CSMD1: variants seen among roughly 807,000 people sequenced by gnomAD.
CSMD1 encodes CUB and Sushi multiple domains 1, also known as CUB and sushi domain-containing protein 1.
CSMD1 carries 213 observed loss-of-function variants against 417.5 expected under a neutral mutation model. The ratio of observed to expected loss-of-function variants is 0.51; its 90% CI spans 0.46 to 0.57. CSMD1 has a LOEUF of 0.57. Ranked by LOEUF, CSMD1 falls within the 20% of genes least tolerant of loss-of-function variation. The probability of loss-of-function intolerance (pLI) is 0.00; values close to 1 mark genes in which losing one functional copy is unlikely to be tolerated. For synonymous variants in CSMD1, 2,862 were observed against 1,736.8 expected (o/e 1.65, Z -16.11); for missense variants, 6,923 against 4,529.7 (o/e 1.53, Z -15.17).
chr8:3,792,359 A>G (rs1010351636), intron 5 of CSMD1, among the ~76,000 whole-genome samples: 3 of 152,184 alleles, frequency 2.0e-5, no homozygotes, highest in Non-Finnish European at 4.4e-5. Context: ...CCACATGTAC[A>G]TTATGATCAT....
chr8:3,253,775 G>C (rs7816128), intron 26 of CSMD1, among the ~76,000 whole-genome samples: 72,113 of 151,912 alleles, frequency 0.47, 17,226 homozygotes, highest in Non-Finnish European at 0.49. Context: ...TGTCTCTGCA[G>C]GTGAGATGGG....
intron 41 of CSMD1, among the ~76,000 whole-genome samples, chr8:3,120,388 C>T (rs574965461): frequency 1.3e-5 from 2 of 152,342 alleles, no homozygotes; most frequent in South Asian, 2.1e-4. Flanking sequence ...TGTGGGCCTA[C>T]AGCGTGGCCT....
chr8:3,105,364 A>T (rs1816062222), intron 46 of CSMD1, among the ~76,000 whole-genome samples: 1 of 152,258 alleles, frequency 6.6e-6, no homozygotes, highest in African/African-American at 2.4e-5. Context: ...AATGCTCAAA[A>T]GCACTACATC....
intron 6 of CSMD1, among the ~76,000 whole-genome samples, chr8:3,714,025 C>T (rs1026918945): frequency 8.2e-5 from 12 of 147,152 alleles, no homozygotes; most frequent in Middle Eastern, 3.6e-3. Context: ...GCTCACTATG[C>T]AGATAGATAG....
At chr8:3,552,583 A>T (rs1271611582) in intron 10 of CSMD1, among the ~76,000 whole-genome samples, 1 of 152,192 alleles carries the variant, frequency 6.6e-6, no homozygotes. Context: ...TGGTTATGCA[A>T]ATATAAGGTA....
At chr8:4,400,332 T>C (rs1384007433) in intron 3 of CSMD1, among the ~76,000 whole-genome samples, 1 of 152,232 alleles carries the variant, frequency 6.6e-6, no homozygotes, top group Non-Finnish European at 1.5e-5. Context: ...GGAAACTGTT[T>C]TGTGTGTGTT....
intron 5 of CSMD1, among the ~76,000 whole-genome samples, chr8:3,757,008 G>T (rs530005330): frequency 6.6e-6 from 1 of 152,096 alleles, no homozygotes; most frequent in Non-Finnish European, 1.5e-5. Flanking sequence ...TCACTATGTT[G>T]TCCAGACTGG....
At chr8:4,403,480 G>A (rs750392796) in intron 3 of CSMD1, among the ~76,000 whole-genome samples, 7 of 152,024 alleles carry the variant, frequency 4.6e-5, no homozygotes, top group Non-Finnish European at 1.0e-4. Context: ...ACCTACTTAT[G>A]GTGAAATCCA....
chr8:3,914,175 A>C (rs1231935910), intron 5 of CSMD1, among the ~76,000 whole-genome samples: 2 of 152,156 alleles, frequency 1.3e-5, no homozygotes, highest in Non-Finnish European at 2.9e-5. Context: ...AAAACAAGAA[A>C]AAGTACTTTT....
chr8:3,262,592 T>C (rs1801160918), intron 26 of CSMD1, among the ~76,000 whole-genome samples: 2 of 151,470 alleles, frequency 1.3e-5, no homozygotes, highest in South Asian at 4.2e-4. Flanking sequence ...TGTTAAAACC[T>C]CTGAAAATGT....
At position 3,712,242 on chromosome 8, in the gene CSMD1, C is replaced by T. The variant is rs150330142; in HGVS notation, c.932-3751G>A. On this transcript the variant is annotated intron_variant, in intron 6 of 69. Coordinates refer to ENST00000635120, the MANE Select transcript of CSMD1 (RefSeq NM_033225.6). ...AGGTGACTTGTGGGTCCAGGGTCCA[C>T]CCGGTGTCTGGACACTTCTCCCCAC... 3.3e-3 allele frequency among the ~76,000 whole-genome samples: 507 copies of T among 152,276 alleles called. 2 individuals carry two copies. The highest frequency in any genetic ancestry group is 0.012 in the African/African-American group (493 of 41,536).
At chr8:4,735,216 C>A (rs1290239945) in intron 1 of CSMD1, among the ~76,000 whole-genome samples, 1 of 152,136 alleles carries the variant, frequency 6.6e-6, no homozygotes, top group African/African-American at 2.4e-5. Context: ...ATTGCTAATA[C>A]CAAATGCGAG....
chr8:2,978,889 T>C, intron 54 of CSMD1, 89 bp from the exon 55 acceptor site: 5 of 1,154,166 alleles, frequency 4.3e-6, no homozygotes, highest in Non-Finnish European at 5.9e-6. Flanking sequence ...TCCTCATCAT[T>C]TTAGAAAGTT....
intron 1 of CSMD1, among the ~76,000 whole-genome samples, chr8:4,923,279 T>C (rs1017097606): frequency 6.6e-6 from 1 of 152,218 alleles, no homozygotes; most frequent in African/African-American, 2.4e-5. Flanking sequence ...GACTCACTCA[T>C]GCCTCATCCT....
intron 1 of CSMD1, among the ~76,000 whole-genome samples, chr8:4,912,450 T>A (rs1041273338): frequency 6.6e-6 from 1 of 151,700 alleles, no homozygotes; most frequent in Non-Finnish European, 1.5e-5. Flanking sequence ...GGATTGAAGG[T>A]GAAAACGGGA....
intron 68 of CSMD1, among the ~76,000 whole-genome samples, chr8:2,945,620 T>G (rs559271493): frequency 6.6e-6 from 1 of 152,332 alleles, no homozygotes; most frequent in South Asian, 2.1e-4. Context: ...TGCAATTTCA[T>G]TCAATCATTA....
At chr8:3,301,064 A>T (rs571721925) in intron 25 of CSMD1, among the ~76,000 whole-genome samples, 2 of 152,198 alleles carry the variant, frequency 1.3e-5, no homozygotes, top group South Asian at 2.1e-4. Context: ...CACAATATAC[A>T]TTGATACGTA....
intron 12 of CSMD1, among the ~76,000 whole-genome samples, chr8:3,426,932 C>G (rs932085786): frequency 1.3e-5 from 2 of 152,134 alleles, no homozygotes; most frequent in Non-Finnish European, 2.9e-5. Flanking sequence ...CCTCAGGAAA[C>G]TTACAATCGT....
At chr8:2,994,123 G>C (rs1165489555) in intron 54 of CSMD1, among the ~76,000 whole-genome samples, 1 of 118,240 alleles carries the variant, frequency 8.5e-6, no homozygotes, top group African/African-American at 4.0e-5. Flanking sequence ...TCCAGCCTGG[G>C]CAACAGAGCA....
Sources: allele counts gnomAD v4.1 joint callset (sites outside exome capture counted in the v4.1 genomes callset), GRCh38; gene constraint gnomAD v4.1.1; transcripts MANE v1.5; gene names NCBI Gene and HGNC (gene_info 2026-07-23, HGNC 2026-07-21).